DDX10: variants seen among roughly 807,000 people sequenced by gnomAD.
The protein encoded by DDX10 is DEAD-box helicase 10.
DDX10 carries 74 observed loss-of-function variants against 104.3 expected under a neutral mutation model. The ratio of observed to expected loss-of-function variants is 0.71; its 90% CI spans 0.59 to 0.86. The LOEUF is 0.86. Among genes scored for constraint, DDX10 ranks in the 40% least tolerant of loss-of-function variants. The pLI is 0.00. For missense variants in DDX10, 952 were observed against 1,040.0 expected, an observed-to-expected ratio of 0.92 and a Z score of 1.16; for synonymous variants, 351 against 353.4, an observed-to-expected ratio of 0.99 and a Z score of 0.08.
intron 16 of DDX10, among the ~76,000 whole-genome samples, chr11:108,915,178 A>G (rs867055996): frequency 6.6e-5 from 10 of 152,212 alleles, no homozygotes; most frequent in African/African-American, 1.9e-4. Context: ...GTCCCAAGAA[A>G]TACAAACACA....
At chr11:108,846,105 T>G (rs763941658) in intron 15 of DDX10, among the ~76,000 whole-genome samples, 1 of 152,216 alleles carries the variant, frequency 6.6e-6, no homozygotes, top group Non-Finnish European at 1.5e-5. Context: ...TTTTTTACAT[T>G]TATTGTTTAT....
chr11:108,729,809 A>T (rs1178992498), intron 13 of DDX10: 1 of 152,114 alleles, frequency 6.6e-6, no homozygotes, highest in African/African-American at 2.4e-5. Flanking sequence ...AAACAACACA[A>T]TGCACGTCGT....
Position 108,940,476 on chromosome 11 carries a change from A to G in DDX10, c.*53A>G. On this transcript the variant is annotated 3_prime_UTR_variant, in exon 18 of 18. Coordinates refer to ENST00000322536, the MANE Select transcript of DDX10 (RefSeq NM_004398.4). ...AAACCTTGGTTATGACTGCGTAGGC[A>G]AGAAGTTGAAAAACAGTTGATTTGG... The G allele has an allele frequency of 6.3e-7, 1 of 1,579,256 alleles. No individual in the cohort carries two copies. The highest frequency in any genetic ancestry group is 8.6e-7 in the Non-Finnish European group (1 of 1,162,204).
chr11:108,690,653 G>A (rs184058147), intron 7 of DDX10: 24 of 159,524 alleles, frequency 1.5e-4, no homozygotes, highest in East Asian at 1.3e-3. Flanking sequence ...AATCCAGTGC[G>A]TTGGCCAGTG....
rs553661496 is a variant in DDX10, at chr11:108,872,069, G to A, written c.2304+19860G>A. ...AATTTACAAAAATGACATTCATTGC[G>A]ACATTCTGAATTTGCCTTATGAGTT... On this transcript the variant is annotated intron_variant, in intron 16 of 17. Transcript: ENST00000322536. Among the ~76,000 whole-genome samples, 28 of 152,272 alleles carry A rather than the reference G, an allele frequency of 1.8e-4. 1 individual carries two copies. The highest frequency in any genetic ancestry group is 1.9e-4 in the East Asian group (1 of 5,190).
At chr11:108,893,798 G>T (rs890082607) in intron 16 of DDX10, among the ~76,000 whole-genome samples, 1 of 151,936 alleles carries the variant, frequency 6.6e-6, no homozygotes, top group South Asian at 2.1e-4. Context: ...AGAATATTGG[G>T]GACTGATATG....
At chr11:108,883,141 T>C (rs2134633671) in intron 16 of DDX10, among the ~76,000 whole-genome samples, 2 of 152,300 alleles carry the variant, frequency 1.3e-5, no homozygotes, top group South Asian at 4.1e-4. Context: ...GATGAGAGAC[T>C]TGACTGGTGT....
intron 13 of DDX10, among the ~76,000 whole-genome samples, chr11:108,755,866 AAAGTG>A (rs759876961): frequency 6.6e-6 from 1 of 152,058 alleles, no homozygotes; most frequent in African/African-American, 2.4e-5. Flanking sequence ...TCTGAGAGTT[AAAGTG>A]AAGTGTTTAA....
intron 13 of DDX10, among the ~76,000 whole-genome samples, chr11:108,833,503 G>A (rs1862501661): frequency 6.6e-6 from 1 of 152,168 alleles, no homozygotes; most frequent in Admixed American, 6.5e-5. Flanking sequence ...AGCCTAACAG[G>A]AAAATATGAT....
intron 16 of DDX10, among the ~76,000 whole-genome samples, chr11:108,877,242 T>C (rs745504339): frequency 1.6e-4 from 24 of 152,220 alleles, no homozygotes; most frequent in Non-Finnish European, 2.2e-4. Flanking sequence ...TGAATATAAA[T>C]TTATGTGGTT....
intron 17 of DDX10, among the ~76,000 whole-genome samples, chr11:108,936,526 TA>T (rs1336989596): frequency 1.3e-5 from 2 of 152,000 alleles, no homozygotes; most frequent in African/African-American, 2.4e-5. Flanking sequence ...AAAAGAAAAT[TA>T]AAAAAAATCT....
At chr11:108,684,026 C>A (rs1945987307) in intron 6 of DDX10, among the ~76,000 whole-genome samples, 1 of 151,630 alleles carries the variant, frequency 6.6e-6, no homozygotes, top group South Asian at 2.1e-4. Flanking sequence ...TTGTGTCATC[C>A]CAAACTTCGC....
chr11:108,723,516 A>C, intron 13 of DDX10, 54 bp downstream of exon 13: 1 of 1,507,008 alleles, frequency 6.6e-7, no homozygotes, highest in Non-Finnish European at 8.9e-7. Context: ...CTATGTGCTT[A>C]TTGTTGCCTT....
In DDX10 at chr11:108,675,729, A is replaced by G; in HGVS notation, c.378+3A>G. 5 of 1,614,110 alleles carry G rather than the reference A, an allele frequency of 3.1e-6. No homozygotes were observed. The highest frequency in any genetic ancestry group is 4.2e-6 in the Non-Finnish European group (5 of 1,179,968). ...AGACTCTGGCTTTTCTTGTTCCAGT[A>G]AGTACATTGTCATTGGGTCAGACTG... On this transcript the variant is annotated splice_donor_region_variant and intron_variant, in intron 3 of 17. Coordinates refer to ENST00000322536, the MANE Select transcript of DDX10 (RefSeq NM_004398.4).
intron 6 of DDX10, among the ~76,000 whole-genome samples, chr11:108,686,302 CAT>C (rs1315496939): frequency 6.6e-6 from 1 of 152,126 alleles, no homozygotes; most frequent in East Asian, 1.9e-4. Context: ...TGGTACAGCC[CAT>C]TGATTTGGAC....
At position 108,739,412 on chromosome 11, in the gene DDX10, A is replaced by G. The variant is rs987024231; in HGVS notation, c.1965+15950A>G. Among the ~76,000 whole-genome samples the G allele has an allele frequency of 5.3e-5, 8 of 152,316 alleles. No homozygotes were observed. The East Asian group carries it at 1.4e-3, about 26-fold the overall frequency. ...TATTCCAAAGTGTGCTTTCTGAGCAATCTGTGCTTACTGCTGTTAGAGCAC... is the reference window on the plus strand; with the variant it reads ...TATTCCAAAGTGTGCTTTCTGAGCAGTCTGTGCTTACTGCTGTTAGAGCAC... On this transcript the variant is annotated intron_variant, in intron 13 of 17. Transcript: ENST00000322536.
intron 13 of DDX10, among the ~76,000 whole-genome samples, chr11:108,825,075 A>C (rs1359604571): frequency 1.3e-5 from 2 of 152,232 alleles, no homozygotes; most frequent in Non-Finnish European, 2.9e-5. Context: ...GGTTGGGTGA[A>C]GAACAGAAAT....
intron 17 of DDX10, among the ~76,000 whole-genome samples, chr11:108,937,861 A>G (rs1474933933): frequency 1.3e-5 from 2 of 152,140 alleles, no homozygotes; most frequent in Non-Finnish European, 1.5e-5. Context: ...TGCTTTATCC[A>G]TTACGTTGCA....
At chr11:108,822,500 C>A in intron 13 of DDX10, 1 of 287,034 alleles carries the variant, frequency 3.5e-6, no homozygotes, top group South Asian at 4.0e-5. Flanking sequence ...TTATTGGTGT[C>A]TGTGTAAGAG....
Sources: allele counts gnomAD v4.1 joint callset (sites outside exome capture counted in the v4.1 genomes callset), GRCh38; gene constraint gnomAD v4.1.1; transcripts MANE v1.5; gene names NCBI Gene and HGNC (gene_info 2026-07-23, HGNC 2026-07-21).